Variants in MAP2K5 observed in about 807,000 individuals in gnomAD.
MAP2K5 encodes dual specificity mitogen-activated protein kinase kinase 5.
A neutral mutation model predicts 83.1 loss-of-function variants in MAP2K5; 49 were observed. The observed-to-expected ratio is 0.59, with a 90% CI of 0.47 to 0.75. MAP2K5 has a LOEUF of 0.75. Ranked by LOEUF, MAP2K5 falls within the 30% of genes least tolerant of loss-of-function variation. The pLI is 0.00. For missense variants in MAP2K5, 457 were observed against 557.5 expected, an observed-to-expected ratio of 0.82 and a Z score of 1.82; for synonymous variants, 202 against 191.8, an observed-to-expected ratio of 1.05 and a Z score of -0.44.
rs573687950 is a variant in MAP2K5 at position 67,779,354 on chromosome 15, G to A, written c.1242+6602G>A. Reference sequence around the variant, plus strand: ...AATCACTGTCTGGATACTTGAGATCGCACTAAATCAGACAGCTTTAATTTG... The same window carrying A: ...AATCACTGTCTGGATACTTGAGATCACACTAAATCAGACAGCTTTAATTTG... On this transcript the variant is annotated intron_variant, in intron 21 of 21. Transcript: ENST00000178640. The surrounding 1 kb of genome is among the most constrained non-coding windows in gnomAD (Gnocchi z 4.6). 3.3e-5 allele frequency among the ~76,000 whole-genome samples: 5 copies of A among 152,144 alleles called. No individual in the cohort carries two copies. Among genetic ancestry groups the A allele is most frequent in the South Asian group, 2.1e-4 (1 of 4,828 alleles).
chr15:67,672,401 C>T (rs1290048196), intron 13 of MAP2K5, among the ~76,000 whole-genome samples: 3 of 151,832 alleles, frequency 2.0e-5, no homozygotes, highest in Non-Finnish European at 4.4e-5. Context: ...ATTTGCATTT[C>T]TCTGATGGCC....
rs928829030 is a variant in MAP2K5, at chr15:67,755,079, A to G, written c.1134+6478A>G. Among the ~76,000 whole-genome samples the G allele has an allele frequency of 6.6e-6, 1 of 152,058 alleles. No homozygotes were observed. Among genetic ancestry groups the G allele is most frequent in the African/African-American group, 2.4e-5 (1 of 41,398 alleles). On this transcript the variant is annotated intron_variant, in intron 19 of 21. Coordinates refer to ENST00000178640, the MANE Select transcript of MAP2K5 (RefSeq NM_145160.3). This position sits in a 1 kb window ranked among gnomAD's most constrained non-coding sequence, Gnocchi z 4.7. ...AACCTCCGCCTCCTGGGTTCATGCAATCCTCCCACCTCAGCCTCCCAAGTA... is the reference window on the plus strand; with the variant it reads ...AACCTCCGCCTCCTGGGTTCATGCAGTCCTCCCACCTCAGCCTCCCAAGTA...
intron 21 of MAP2K5, among the ~76,000 whole-genome samples, chr15:67,788,375 G>A (rs2090455105): frequency 6.6e-6 from 1 of 152,130 alleles, no homozygotes; most frequent in Admixed American, 6.5e-5. Context: ...CTGTCCCCAG[G>A]AAGGTAGCCT....
At chr15:67,788,019 A>C (rs1263277122) in intron 21 of MAP2K5, among the ~76,000 whole-genome samples, 2 of 152,250 alleles carry the variant, frequency 1.3e-5, no homozygotes, top group Non-Finnish European at 2.9e-5. Context: ...TTGTTGGCAC[A>C]GCACCGTCCT....
intron 11 of MAP2K5, among the ~76,000 whole-genome samples, chr15:67,657,337 A>G (rs1442868536): frequency 1.3e-5 from 2 of 152,144 alleles, no homozygotes; most frequent in Admixed American, 6.5e-5. Context: ...CATTCACTTC[A>G]TAAGGGATTG....
In MAP2K5 at chr15:67,736,175, A is replaced by G. The variant is rs2089337335; in HGVS notation, c.1074+8230A>G. ...GTAATGTGTCAGGATGGAGATGGCA[A>G]GTGTAGCAGGGACCAGATAAAGAAA... On this transcript the variant is annotated intron_variant, in intron 17 of 21. Transcript: ENST00000178640. The surrounding 1 kb of genome is among the most constrained non-coding windows in gnomAD (Gnocchi z 4.3). Among the ~76,000 whole-genome samples the G allele has an allele frequency of 1.3e-5, 2 of 152,226 alleles. No individual in the cohort carries two copies. The highest frequency in any genetic ancestry group is 2.1e-4 in the South Asian group (1 of 4,822).
intron 15 of MAP2K5, among the ~76,000 whole-genome samples, chr15:67,694,865 T>G (rs1251509071): frequency 1.3e-5 from 2 of 151,980 alleles, no homozygotes; most frequent in Non-Finnish European, 2.9e-5. Context: ...AACCCAAATG[T>G]CCAACAATGA....
chr15:67,697,996 G>T (rs2088309398), intron 15 of MAP2K5, among the ~76,000 whole-genome samples: 1 of 152,136 alleles, frequency 6.6e-6, no homozygotes, highest in African/African-American at 2.4e-5. Context: ...AGGAGACTGA[G>T]ACCTGGAAAA....
At chr15:67,581,305 A>G (rs2085175994) in intron 4 of MAP2K5, among the ~76,000 whole-genome samples, 2 of 152,252 alleles carry the variant, frequency 1.3e-5, no homozygotes, top group Non-Finnish European at 2.9e-5. Flanking sequence ...GAAATTCTTC[A>G]TAAATGGAAA....
At chr15:67,615,533 A>C (rs934497579) in intron 8 of MAP2K5, among the ~76,000 whole-genome samples, 2 of 152,118 alleles carry the variant, frequency 1.3e-5, no homozygotes, top group Non-Finnish European at 2.9e-5. Context: ...AAACTATTTG[A>C]AGTATTTCTG....
chr15:67,793,680 A>G lies in MAP2K5; in HGVS notation c.1243-12966A>G, dbSNP rs556665635. 6.6e-6 allele frequency among the ~76,000 whole-genome samples: 1 copy of G among 152,238 alleles called. No homozygotes were observed. Among genetic ancestry groups the G allele is most frequent in the Non-Finnish European group, 1.5e-5 (1 of 68,028 alleles). ...TAGTCTGAGATAAGGGTGTCAAAGT[A>G]TAGTGGTCTATAGATTGTAAAGTGC... is the stretch of plus-strand genomic sequence containing the variant. On this transcript the variant is annotated intron_variant, in intron 21 of 21. Coordinates refer to ENST00000178640, the MANE Select transcript of MAP2K5 (RefSeq NM_145160.3). The surrounding 1 kb of genome is among the most constrained non-coding windows in gnomAD (Gnocchi z 4.6).
intron 6 of MAP2K5, among the ~76,000 whole-genome samples, chr15:67,590,923 C>T (rs544082504): frequency 9.9e-5 from 15 of 152,232 alleles, no homozygotes; most frequent in East Asian, 5.8e-4. Flanking sequence ...ATATAGAATA[C>T]GTAAGATGTG....
chr15:67,703,606 A>C (rs1301021345), intron 16 of MAP2K5, among the ~76,000 whole-genome samples, 198 bp downstream of exon 16: 1 of 152,190 alleles, frequency 6.6e-6, no homozygotes, highest in Non-Finnish European at 1.5e-5. Context: ...AGCACTGTTT[A>C]TTACAGATCA....
rs568764906 is a variant in MAP2K5, at chr15:67,688,575, G to T, written c.848-3904G>T. ...AGCTTTAATTGCCACAGTAGCAATA[G>T]AAATTATTTTCTAAATATAATGAAA... On this transcript the variant is annotated intron_variant, in intron 13 of 21. Coordinates refer to ENST00000178640, the MANE Select transcript of MAP2K5 (RefSeq NM_145160.3). Among the ~76,000 whole-genome samples the T allele has an allele frequency of 3.9e-4, 60 of 152,282 alleles. 1 individual carries two copies. Among genetic ancestry groups the T allele is most frequent in the Non-Finnish European group, 8.1e-4 (55 of 68,014 alleles).
intron 17 of MAP2K5, among the ~76,000 whole-genome samples, chr15:67,743,168 C>A (rs2089531439): frequency 6.6e-6 from 1 of 152,174 alleles, no homozygotes; most frequent in African/African-American, 2.4e-5. Context: ...CAAAACTGGT[C>A]ACTCCTGAAT....
intron 6 of MAP2K5, 21 bp from the exon 7 acceptor site, chr15:67,592,905 A>C (rs762714698): frequency 6.3e-7 from 1 of 1,594,016 alleles, no homozygotes; most frequent in South Asian, 1.1e-5. Flanking sequence ...CTTGCCACTA[A>C]AAATTATCTT....
In MAP2K5 at chr15:67,764,571, A is replaced by G. The variant is rs868081404; in HGVS notation, c.1135-5031A>G. ...ATCTTATCCCTCTGAACAATACACA[A>G]ATTCTTTGAGGATATGGATTAAGTA... On this transcript the variant is annotated intron_variant, in intron 19 of 21. Transcript: ENST00000178640. The surrounding 1 kb of genome is among the most constrained non-coding windows in gnomAD (Gnocchi z 4.9). Among the ~76,000 whole-genome samples the G allele has an allele frequency of 1.3e-5, 2 of 152,112 alleles. No homozygotes were observed. Among genetic ancestry groups the G allele is most frequent in the Admixed American group, 6.6e-5 (1 of 15,266 alleles).
intron 6 of MAP2K5, 107 bp from the exon 7 acceptor site, chr15:67,592,819 T>C: frequency 1.4e-6 from 1 of 736,846 alleles, no homozygotes; most frequent in South Asian, 1.8e-5. Flanking sequence ...GTGAAGAATA[T>C]GCTCAATCCC....
intron 19 of MAP2K5, among the ~76,000 whole-genome samples, chr15:67,753,838 CA>C (rs1327985550): frequency 2.0e-5 from 3 of 152,206 alleles, no homozygotes; most frequent in African/African-American, 7.2e-5. Flanking sequence ...AATGACCCAG[CA>C]GTTCCACCTC....
Sources: allele counts gnomAD v4.1 joint callset (sites outside exome capture counted in the v4.1 genomes callset), GRCh38; gene constraint gnomAD v4.1.1; non-coding constraint Gnocchi (gnomAD v3.1); transcripts MANE v1.5; gene names NCBI Gene and HGNC (gene_info 2026-07-23, HGNC 2026-07-21).